ZBTB20: variants seen among roughly 807,000 people sequenced by gnomAD.
ZBTB20 encodes the protein zinc finger and BTB domain-containing protein 20.
A neutral mutation model predicts 56.9 loss-of-function variants in ZBTB20; 9 were observed. The ratio of observed to expected loss-of-function variants is 0.16; its 90% CI spans 0.10 to 0.28. The LOEUF (loss-of-function observed/expected upper bound fraction) is 0.28, where lower values mean the gene tolerates loss of function less well. Among genes scored for constraint, ZBTB20 ranks in the 10% least tolerant of loss-of-function variants. The pLI is 1.00. For missense variants in ZBTB20, 655 were observed against 1,003.0 expected (o/e 0.65, Z 4.69); for synonymous variants, 417 against 420.7 (o/e 0.99, Z 0.11).
chr3:115,105,795 G>T (rs1452312461), intron 1 of ZBTB20, among the ~76,000 whole-genome samples: 1 of 151,978 alleles, frequency 6.6e-6, no homozygotes, highest in Non-Finnish European at 1.5e-5. Flanking sequence ...GAATTCAATT[G>T]TAAAGGATTT....
chr3:114,962,888 G>GA (rs2077507207), intron 3 of ZBTB20, among the ~76,000 whole-genome samples: 1 of 152,108 alleles, frequency 6.6e-6, no homozygotes, highest in Non-Finnish European at 1.5e-5. Flanking sequence ...AGCTATGCAT[G>GA]AAAAATAGTG....
At chr3:114,345,539 T>G (rs910960448) in intron 11 of ZBTB20, among the ~76,000 whole-genome samples, 2 of 152,200 alleles carry the variant, frequency 1.3e-5, no homozygotes, top group Non-Finnish European at 2.9e-5. Context: ...TTCTTATTAG[T>G]GGAATTTTAA....
chr3:114,354,570 TTTG>T (rs2081022788), intron 10 of ZBTB20, among the ~76,000 whole-genome samples: 2 of 118,710 alleles, frequency 1.7e-5, no homozygotes, highest in African/African-American at 3.0e-5. Flanking sequence ...CAGGTTTTTT[TTTG>T]TTTTGTTTTG....
chr3:115,019,013 C>T (rs2080093491), intron 2 of ZBTB20, among the ~76,000 whole-genome samples: 1 of 151,180 alleles, frequency 6.6e-6, no homozygotes, highest in South Asian at 2.1e-4. Context: ...TAACTTTTCT[C>T]CCCTCCAGAT....
At position 114,919,425 on chromosome 3, in the gene ZBTB20, A is replaced by C. The variant is rs867788792; in HGVS notation, c.-455-19083T>G. Among the ~76,000 whole-genome samples the C allele has an allele frequency of 2.6e-5, 4 of 152,060 alleles. No individual in the cohort carries two copies. The South Asian group carries it at 6.2e-4, about 24-fold the overall frequency. On this transcript the variant is annotated intron_variant, in intron 3 of 11. Coordinates refer to ENST00000675478, the MANE Select transcript of ZBTB20 (RefSeq NM_001348800.3). ...GAAAGAAACAAAAGAACTACAAAACAGGCCAGGCATGGTGGCTCATGCCTG... is the reference window on the plus strand; with the variant it reads ...GAAAGAAACAAAAGAACTACAAAACCGGCCAGGCATGGTGGCTCATGCCTG...
chr3:114,844,535 A>AACAAC (rs1560313154), intron 4 of ZBTB20, among the ~76,000 whole-genome samples: 4 of 139,900 alleles, frequency 2.9e-5, no homozygotes, highest in Non-Finnish European at 6.2e-5. Context: ...AAAAAAAAAA[A>AACAAC]AAAAAAAAAA....
chr3:114,713,932 G>C (rs556032881), intron 5 of ZBTB20: 10 of 152,668 alleles, frequency 6.6e-5, no homozygotes, highest in Admixed American at 1.3e-4. Flanking sequence ...TCAGTGTAAT[G>C]AGTTTCATCT....
chr3:114,460,677 A>G (rs1328278515), intron 7 of ZBTB20, among the ~76,000 whole-genome samples: 1 of 152,220 alleles, frequency 6.6e-6, no homozygotes, highest in African/African-American at 2.4e-5. Context: ...TCAGAACTGT[A>G]AGAGAATACA....
intron 5 of ZBTB20, among the ~76,000 whole-genome samples, chr3:114,712,834 T>C (rs1434595856): frequency 6.6e-6 from 1 of 152,164 alleles, no homozygotes; most frequent in African/African-American, 2.4e-5. Context: ...GTATCCATCA[T>C]GGTTATAGTA....
At chr3:114,881,309 A>G (rs2076389178) in intron 4 of ZBTB20, among the ~76,000 whole-genome samples, 1 of 152,076 alleles carries the variant, frequency 6.6e-6, no homozygotes, top group Non-Finnish European at 1.5e-5. Context: ...TTGCCTTTTA[A>G]TAACAATGAT....
At chr3:114,967,698 T>G (rs772232529) in intron 3 of ZBTB20, among the ~76,000 whole-genome samples, 2 of 138,722 alleles carry the variant, frequency 1.4e-5, no homozygotes, top group Non-Finnish European at 3.2e-5. Context: ...GGCTCACGCC[T>G]GTAATCTCAA....
chr3:114,741,701 C>T (rs1035160452), intron 5 of ZBTB20, among the ~76,000 whole-genome samples: 11 of 149,708 alleles, frequency 7.3e-5, no homozygotes, highest in African/African-American at 2.0e-4. Context: ...GGGGAAACCC[C>T]GTCTCTACTG....
At chr3:114,457,851 G>A (rs1290864124) in intron 7 of ZBTB20, among the ~76,000 whole-genome samples, 1 of 152,116 alleles carries the variant, frequency 6.6e-6, no homozygotes, top group African/African-American at 2.4e-5. Context: ...TTTAAAGCCC[G>A]CATTCTCAGC....
Position 114,936,102 on chromosome 3 carries a change from A to C in ZBTB20, c.-455-35760T>G, listed in dbSNP as rs147501220. The stretch of plus-strand genomic sequence containing the variant: ...GATGATCAGGACACCTTGGAAATAA[A>C]GGTGGAAAAACAATAGTGGAGGAAA... On this transcript the variant is annotated intron_variant, in intron 3 of 11. Transcript: ENST00000675478. Among the ~76,000 whole-genome samples the C allele has an allele frequency of 1.7e-4, 26 of 152,336 alleles. No individual in the cohort carries two copies. In the East Asian group the frequency reaches 5.0e-3, roughly 29 times the overall value.
intron 1 of ZBTB20, among the ~76,000 whole-genome samples, chr3:115,118,988 A>C (rs2084103682): frequency 2.0e-5 from 3 of 152,140 alleles, no homozygotes; most frequent in Non-Finnish European, 4.4e-5. Flanking sequence ...TAACACATTA[A>C]ATTTCCTCAG....
chr3:114,584,988 G>A (rs975531232), intron 6 of ZBTB20, among the ~76,000 whole-genome samples: 13 of 152,014 alleles, frequency 8.6e-5, no homozygotes, highest in African/African-American at 3.1e-4. Context: ...TCCAAGTGCT[G>A]ATATACCTAT....
At chr3:114,927,658 C>A (rs2076207295) in intron 3 of ZBTB20, among the ~76,000 whole-genome samples, 2 of 152,150 alleles carry the variant, frequency 1.3e-5, no homozygotes, top group Admixed American at 6.5e-5. Flanking sequence ...CTCTCAAGAA[C>A]TGGCAATAAT....
intron 5 of ZBTB20, among the ~76,000 whole-genome samples, chr3:114,773,135 T>A (rs2069338783): frequency 6.6e-6 from 1 of 152,184 alleles, no homozygotes; most frequent in Non-Finnish European, 1.5e-5. Flanking sequence ...AGGAACTGAA[T>A]AAGCATGAAA....
At chr3:114,645,368 A>G (rs1205475656) in intron 6 of ZBTB20, among the ~76,000 whole-genome samples, 1 of 152,188 alleles carries the variant, frequency 6.6e-6, no homozygotes, top group African/African-American at 2.4e-5. Context: ...CACTGAAAGC[A>G]TTACTGGCAA....
Sources: gnomAD v4.1 joint callset for allele counts (sites outside exome capture counted in the v4.1 genomes callset) on GRCh38, gnomAD v4.1.1 for gene constraint, MANE v1.5 for transcripts, NCBI Gene and HGNC (gene_info 2026-07-23, HGNC 2026-07-21) for gene names.